PPFIA2: variants seen among roughly 807,000 people sequenced by gnomAD.
PPFIA2 encodes the protein PPFI scaffold protein A2, also known as liprin-alpha-2.
A neutral mutation model predicts 175.5 loss-of-function variants in PPFIA2; 46 were observed. That is an observed-to-expected ratio of 0.26 (90% CI 0.21 to 0.34). The LOEUF (loss-of-function observed/expected upper bound fraction) is 0.34. PPFIA2 is among the 10% of genes least tolerant of loss of function. The probability of loss-of-function intolerance (pLI) is 1.00; values close to 1 mark genes in which losing one functional copy is unlikely to be tolerated. For synonymous variants in PPFIA2, 568 were observed against 511.4 expected (o/e 1.11, Z -1.49); for missense variants, 1,179 against 1,506.1 (o/e 0.78, Z 3.60).
Position 81,347,158 on chromosome 12 carries a change from C to T in PPFIA2, c.2232+375G>A, listed in dbSNP as rs2059216757. 3.3e-5 allele frequency among the ~76,000 whole-genome samples: 5 copies of T among 151,466 alleles called. No homozygotes were observed. In the South Asian group the frequency reaches 1.0e-3, roughly 32 times the overall value. ...TTTGAGATGCGGTCTTGCTATGTTT[C>T]TTAGGCTAGTCTTGAAATCCTTGCC... On this transcript the variant is annotated intron_variant, in intron 18 of 32. Transcript: ENST00000549396.
intron 22 of PPFIA2, among the ~76,000 whole-genome samples, chr12:81,308,544 A>G (rs1226181149): frequency 6.6e-6 from 1 of 152,174 alleles, no homozygotes. Context: ...ATTTTTCATA[A>G]CTGAAAAATG....
At chr12:81,531,705 T>C (rs987928025) in intron 4 of PPFIA2, among the ~76,000 whole-genome samples, 9 of 151,332 alleles carry the variant, frequency 5.9e-5, no homozygotes, top group African/African-American at 2.2e-4. Flanking sequence ...ATTTAAAGGA[T>C]AGATTTTCTT....
At chr12:81,512,405 C>A in intron 4 of PPFIA2, 2 of 1,233,214 alleles carry the variant, frequency 1.6e-6, no homozygotes, top group Admixed American at 4.9e-5. Context: ...CTTTGTGATG[C>A]TGGACCCAGC....
intron 8 of PPFIA2, among the ~76,000 whole-genome samples, chr12:81,389,184 T>C (rs1019339878): frequency 2.7e-5 from 4 of 148,262 alleles, no homozygotes; most frequent in East Asian, 3.9e-4. Context: ...TTTATATATA[T>C]ACACATATAT....
intron 4 of PPFIA2, among the ~76,000 whole-genome samples, chr12:81,593,816 T>C (rs1283423464): frequency 6.6e-6 from 1 of 152,088 alleles, no homozygotes; most frequent in African/African-American, 2.4e-5. Context: ...GTGTCCCATA[T>C]CAGGAAGGTC....
chr12:81,419,667 C>G (rs563750638), intron 7 of PPFIA2, among the ~76,000 whole-genome samples: 2 of 152,054 alleles, frequency 1.3e-5, no homozygotes, highest in East Asian at 3.9e-4. Flanking sequence ...TATAATTTCA[C>G]TTTTTATATT....
intron 4 of PPFIA2, among the ~76,000 whole-genome samples, chr12:81,666,889 T>C (rs996775699): frequency 6.6e-6 from 1 of 152,190 alleles, no homozygotes; most frequent in African/African-American, 2.4e-5. Flanking sequence ...GTCCACACTC[T>C]ACACCACTAC....
At chr12:81,560,447 T>C (rs1319380024) in intron 4 of PPFIA2, among the ~76,000 whole-genome samples, 1 of 152,156 alleles carries the variant, frequency 6.6e-6, no homozygotes, top group Non-Finnish European at 1.5e-5. Context: ...ATAGAAATAC[T>C]AGCAGAGTCA....
intron 4 of PPFIA2, among the ~76,000 whole-genome samples, chr12:81,575,497 G>A (rs1019613848): frequency 6.6e-6 from 1 of 151,678 alleles, no homozygotes; most frequent in South Asian, 2.1e-4. Flanking sequence ...TATTTAACAG[G>A]TATTTATGAA....
At chr12:81,665,031 C>A (rs1477448679) in intron 4 of PPFIA2, among the ~76,000 whole-genome samples, 2 of 147,774 alleles carry the variant, frequency 1.4e-5, no homozygotes, top group African/African-American at 5.0e-5. Flanking sequence ...ACACCGGGGC[C>A]TGTTGTCGGG....
At position 81,347,548 on chromosome 12, in the gene PPFIA2, C is replaced by T. The variant is rs371890865; in HGVS notation, c.2217G>A (p.Met739Ile). ...ATCACCATACCAGTGTCATGACTCC[C>T]ATCCGATCCATTTCCCTGGCAGGGC... is the stretch of plus-strand genomic sequence containing the variant. Reference protein sequence around the residue: ...PRSPAREMDRMGVMTLPSDLR... With the variant: ...PRSPAREMDRIGVMTLPSDLR... Residue 739 changes from methionine to isoleucine, a missense_variant, in exon 18 of 33, where the codon ATG becomes ATA. Around this residue, in one of 10 missense-constraint regions of PPFIA2, gnomAD observed 223 missense variants for 241.6 expected, o/e 0.92. Coordinates refer to ENST00000549396, the MANE Select transcript of PPFIA2 (RefSeq NM_003625.5). 1.9e-6 allele frequency: 3 copies of T among 1,607,326 alleles called. No homozygotes were observed. Among genetic ancestry groups the T allele is most frequent in the Non-Finnish European group, 2.6e-6 (3 of 1,174,034 alleles).
At chr12:81,675,734 T>G (rs937270049) in intron 4 of PPFIA2, 3 of 152,068 alleles carry the variant, frequency 2.0e-5, no homozygotes, top group Non-Finnish European at 4.4e-5. Flanking sequence ...ATTAATCCTG[T>G]CAATATACTT....
intron 17 of PPFIA2, among the ~76,000 whole-genome samples, chr12:81,349,646 G>T (rs1157664809): frequency 1.3e-5 from 2 of 152,018 alleles, no homozygotes; most frequent in East Asian, 1.9e-4. Flanking sequence ...ATTTTTTTCT[G>T]GTGAGATGTA....
intron 4 of PPFIA2, among the ~76,000 whole-genome samples, chr12:81,604,562 C>G (rs1462899698): frequency 6.6e-6 from 1 of 150,902 alleles, no homozygotes; most frequent in Non-Finnish European, 1.5e-5. Flanking sequence ...AGTTTGATTG[C>G]TTTCAATTTA....
At chr12:81,744,834 T>A (rs1045128391) in intron 3 of PPFIA2, among the ~76,000 whole-genome samples, 1 of 152,164 alleles carries the variant, frequency 6.6e-6, no homozygotes, top group Non-Finnish European at 1.5e-5. Context: ...GGGCTCAGGG[T>A]AAAAACAAAA....
intron 3 of PPFIA2, among the ~76,000 whole-genome samples, chr12:81,724,191 G>A (rs562771542): frequency 6.6e-6 from 1 of 150,972 alleles, no homozygotes; most frequent in East Asian, 1.9e-4. Context: ...TGTTAATAGT[G>A]ATTGTTAATC....
chr12:81,534,073 A>G (rs1446813024), intron 4 of PPFIA2, among the ~76,000 whole-genome samples: 2 of 151,728 alleles, frequency 1.3e-5, no homozygotes, highest in African/African-American at 2.4e-5. Flanking sequence ...GCACAGAAAG[A>G]CAAATATTGC....
chr12:81,710,226 C>T (rs1041024860), intron 3 of PPFIA2, among the ~76,000 whole-genome samples: 41 of 151,522 alleles, frequency 2.7e-4, no homozygotes, highest in African/African-American at 8.7e-4. Context: ...ATCTGTTTTC[C>T]CTTCAGGATT....
chr12:81,576,362 A>C (rs1346550336), intron 4 of PPFIA2, among the ~76,000 whole-genome samples: 1 of 151,738 alleles, frequency 6.6e-6, no homozygotes, highest in Non-Finnish European at 1.5e-5. Context: ...CTTGCAACTG[A>C]ACTTGAACTT....
Sources: allele counts gnomAD v4.1 joint callset (sites outside exome capture counted in the v4.1 genomes callset), GRCh38; gene constraint gnomAD v4.1.1; regional missense constraint gnomAD v4.1.1; transcripts MANE v1.5; gene names NCBI Gene and HGNC (gene_info 2026-07-23, HGNC 2026-07-21).